EP300: variants seen among roughly 807,000 people sequenced by gnomAD.
The protein encoded by EP300 is histone acetyltransferase p300.
In EP300, 31 loss-of-function variants were observed where a neutral mutation model predicts 264.0. The ratio of observed to expected loss-of-function variants is 0.12; its 90% CI spans 0.09 to 0.16. EP300 has a LOEUF of 0.16. EP300 is among the 10% of genes least tolerant of loss of function. The pLI is 1.00. For missense variants in EP300, 2,766 were observed against 3,052.9 expected (o/e 0.91, Z 2.21); for synonymous variants, 1,340 against 1,045.4 (o/e 1.28, Z -5.44).
At chr22:41,118,081 A>G (rs545242391) in intron 2 of EP300, among the ~76,000 whole-genome samples, 1 of 152,238 alleles carries the variant, frequency 6.6e-6, no homozygotes, top group African/African-American at 2.4e-5. Flanking sequence ...TTTTTATCTC[A>G]TTTCCAAGTC....
intron 1 of EP300, among the ~76,000 whole-genome samples, chr22:41,116,542 T>G (rs755197995): frequency 6.6e-6 from 1 of 152,178 alleles, no homozygotes; most frequent in Non-Finnish European, 1.5e-5. Flanking sequence ...CATGAACTCA[T>G]CCTTTTTTAT....
rs573942111 is a variant in EP300 at position 41,117,422 on chromosome 22, G to A, written c.330G>A (p.Gln110=). Residue 110 remains glutamine (Q), a synonymous_variant, in exon 2 of 31, where the codon CAG becomes CAA. Coordinates refer to ENST00000263253, the MANE Select transcript of EP300 (RefSeq NM_001429.4). The stretch of plus-strand genomic sequence containing the variant: ...AAGTCATGGCCAGCCAGGCCCAACA[G>A]AGCAGTCCTGGATTAGGTTTGATAA... ...PGQVMASQAQ[Q]SSPGLGLINS... 2 of 1,614,198 alleles carry A rather than the reference G, an allele frequency of 1.2e-6. No individual in the cohort carries two copies. Among genetic ancestry groups the A allele is most frequent in the African/African-American group, 2.7e-5 (2 of 75,054 alleles).
rs191452616 is a variant in EP300 at position 41,163,949 on chromosome 22, T to C, written c.3729-104T>C. The C allele has an allele frequency of 8.2e-4, 853 of 1,035,088 alleles. 7 individuals are homozygous for C. In the African/African-American group the frequency reaches 0.012, roughly 14 times the overall value. 64.1% of individuals were successfully genotyped at this position (1,035,088 alleles called of 1,614,324 possible). On this transcript the variant is annotated intron_variant, in intron 21 of 30. Coordinates refer to ENST00000263253, the MANE Select transcript of EP300 (RefSeq NM_001429.4). ...TTTATTAAAACTATTTTCAGTTCTT[T>C]GGTCATGACCTTGGCTGTCTTTGTC...
Position 41,127,380 on chromosome 22 carries a change from A to G in EP300, c.907-107A>G, listed in dbSNP as rs147454313. On this transcript the variant is annotated intron_variant, in intron 3 of 30. Transcript: ENST00000263253. The stretch of plus-strand genomic sequence containing the variant: ...TGTGTCAAAAAATGGAGTCTGGCTT[A>G]TAGTAGACTAACCATAAAGGTTTTC... 56 of 1,472,802 alleles carry G rather than the reference A, an allele frequency of 3.8e-5. No homozygotes were observed. The East Asian group carries it at 1.1e-3, about 30-fold the overall frequency. The allele number at this position is 1,472,802 out of a possible 1,614,324, so 91.2% of individuals were successfully genotyped here. A position where few individuals can be genotyped will look rare whatever the true frequency, so the allele number is the denominator to read the frequency against.
At chr22:41,104,599 T>A (rs868044953) in intron 1 of EP300, among the ~76,000 whole-genome samples, 10 of 152,144 alleles carry the variant, frequency 6.6e-5, no homozygotes, top group Non-Finnish European at 8.8e-5. Context: ...CTCATGTAGT[T>A]ATTTTCACAA....
At chr22:41,138,144 C>T (rs1345057548) in intron 8 of EP300, among the ~76,000 whole-genome samples, 2 of 152,122 alleles carry the variant, frequency 1.3e-5, no homozygotes, top group Non-Finnish European at 2.9e-5. Context: ...ACATCCTTTT[C>T]TGTTACTCCT....
At chr22:41,105,749 G>A (rs2058755185) in intron 1 of EP300, among the ~76,000 whole-genome samples, 1 of 152,168 alleles carries the variant, frequency 6.6e-6, no homozygotes, top group African/African-American at 2.4e-5. Flanking sequence ...CAAAGTATAA[G>A]TATACCTTTT....
At chr22:41,134,366 CGT>C (rs149672980) in intron 6 of EP300, among the ~76,000 whole-genome samples, 2,227 of 150,882 alleles carry the variant, frequency 0.015, 49 homozygotes, top group African/African-American at 0.051. Flanking sequence ...TGGAAACGTA[CGT>C]GTGTGTGTGT....
chr22:41,111,446 G>A (rs1431644313), intron 1 of EP300, among the ~76,000 whole-genome samples: 1 of 152,182 alleles, frequency 6.6e-6, no homozygotes, highest in Non-Finnish European at 1.5e-5. Flanking sequence ...GGGTTATAGT[G>A]TGATGATATA....
intron 21 of EP300, among the ~76,000 whole-genome samples, chr22:41,163,716 C>T (rs553734261): frequency 6.6e-6 from 1 of 152,186 alleles, no homozygotes; most frequent in South Asian, 2.1e-4. Context: ...CACTGCACTC[C>T]AGCCTGGGCG....
chr22:41,179,088 G>T lies in EP300; in HGVS notation c.*132G>T. On this transcript the variant is annotated 3_prime_UTR_variant, in exon 31 of 31. Coordinates refer to ENST00000263253, the MANE Select transcript of EP300 (RefSeq NM_001429.4). The stretch of plus-strand genomic sequence containing the variant: ...CCTTGGAACACATAAGAACTGTGCA[G>T]TAGCCGTTTGTGGTTTAAAGCAAAC... The T allele has an allele frequency of 9.9e-7, 1 of 1,014,706 alleles. No individual in the cohort carries two copies. Among genetic ancestry groups the T allele is most frequent in the Non-Finnish European group, 1.4e-6 (1 of 696,362 alleles). The allele number at this position is 1,014,706 out of a possible 1,614,324, so 62.9% of individuals were successfully genotyped here.
At chr22:41,152,797 G>T (rs2059054639) in intron 16 of EP300, among the ~76,000 whole-genome samples, 3 of 150,762 alleles carry the variant, frequency 2.0e-5, no homozygotes. Flanking sequence ...CACTTTTGTT[G>T]TTCAGGCTGG....
intron 29 of EP300, among the ~76,000 whole-genome samples, chr22:41,174,359 G>A (rs997608709): frequency 1.3e-5 from 2 of 152,142 alleles, no homozygotes; most frequent in Non-Finnish European, 2.9e-5. Flanking sequence ...AACCTGGGAG[G>A]CAGAGGTTGC....
At chr22:41,141,502 C>T (rs1272736912) in intron 10 of EP300, among the ~76,000 whole-genome samples, 1 of 152,078 alleles carries the variant, frequency 6.6e-6, no homozygotes, top group African/African-American at 2.4e-5. Context: ...AAAGCAATAG[C>T]CTACATACAG....
intron 1 of EP300, among the ~76,000 whole-genome samples, chr22:41,116,918 G>A (rs370264513): frequency 7.2e-5 from 11 of 152,058 alleles, no homozygotes; most frequent in Non-Finnish European, 1.5e-4. Flanking sequence ...AATTTAGCTC[G>A]GTGTGGTGGT....
At chr22:41,148,954 C>T (rs1049288940) in intron 12 of EP300, 84 bp from the exon 13 acceptor site, 22 of 1,587,306 alleles carry the variant, frequency 1.4e-5, no homozygotes, top group East Asian at 6.7e-5. Flanking sequence ...ATAAGCCTGA[C>T]GTTAGGAGCA....
intron 28 of EP300, 151 bp from the exon 29 acceptor site, chr22:41,173,472 G>A (rs937667934): frequency 2.3e-6 from 2 of 874,910 alleles, no homozygotes; most frequent in East Asian, 2.7e-5. Context: ...ACAACTTTAA[G>A]GAGAAAGAAT....
chr22:41,163,307 C>T lies in EP300; in HGVS notation c.3728+528C>T, dbSNP rs1480831456. On this transcript the variant is annotated intron_variant, in intron 21 of 30. Transcript: ENST00000263253. Reference sequence around the variant, plus strand: ...AAAATTAGCCGGGCGTAGTGGCGGGCGCCTGTAGTCCCAGCTACTTGGGAG... The same window carrying T: ...AAAATTAGCCGGGCGTAGTGGCGGGTGCCTGTAGTCCCAGCTACTTGGGAG... Among the ~76,000 whole-genome samples the T allele has an allele frequency of 1.3e-4, 20 of 150,316 alleles. No individual in the cohort carries two copies. In the South Asian group the frequency reaches 1.7e-3, roughly 13 times the overall value.
At chr22:41,115,705 G>A (rs1198367264) in intron 1 of EP300, among the ~76,000 whole-genome samples, 1 of 152,168 alleles carries the variant, frequency 6.6e-6, no homozygotes, top group Non-Finnish European at 1.5e-5. Flanking sequence ...AGCTACCAGG[G>A]CTGGTCTTGC....
Sources: allele counts gnomAD v4.1 joint callset (sites outside exome capture counted in the v4.1 genomes callset), GRCh38; gene constraint gnomAD v4.1.1; transcripts MANE v1.5; gene names NCBI Gene and HGNC (gene_info 2026-07-23, HGNC 2026-07-21).